Variants in ENPEP observed in about 807,000 individuals in gnomAD.
The protein encoded by ENPEP is AP-A.
Under a neutral mutation model 114.5 loss-of-function variants are expected in ENPEP, and 103 were observed. That is an observed-to-expected ratio of 0.90 (90% CI 0.77 to 1.06). The LOEUF (loss-of-function observed/expected upper bound fraction) is 1.06. Ranked by LOEUF, ENPEP falls within the 50% of genes least tolerant of loss-of-function variation. ENPEP has a pLI of 0.00. For synonymous variants in ENPEP, 420 were observed against 422.0 expected (o/e 1.00, Z 0.06); for missense variants, 1,196 against 1,161.3 (o/e 1.03, Z -0.43).
At chr4:110,493,965 G>A (rs769523579) in intron 3 of ENPEP, among the ~76,000 whole-genome samples, 38 of 152,254 alleles carry the variant, frequency 2.5e-4, no homozygotes, top group South Asian at 8.3e-4. Flanking sequence ...TAGAAACACC[G>A]TGGGAGTAAA....
chr4:110,561,287 G>A (rs930216166), intron 19 of ENPEP, 119 bp from the exon 20 acceptor site: 23 of 1,009,616 alleles, frequency 2.3e-5, no homozygotes, highest in Middle Eastern at 2.1e-4. Flanking sequence ...GTAGCTCAAC[G>A]TTGTGCAGTG....
Position 110,492,803 on chromosome 4 carries a change from C to T in ENPEP, c.918+1639C>T, listed in dbSNP as rs114579160. Among the ~76,000 whole-genome samples the T allele has an allele frequency of 8.1e-3, 1,226 of 152,272 alleles. 17 individuals carry two copies. Among genetic ancestry groups the T allele is most frequent in the African/African-American group, 0.028 (1,168 of 41,550 alleles). ...GAACATTAGTCAAGCTTGGTTTTTT[C>T]TTTCCGTCTCATAACAAACATGCAA... On this transcript the variant is annotated intron_variant, in intron 3 of 19. Coordinates refer to ENST00000265162, the MANE Select transcript of ENPEP (RefSeq NM_001977.4).
intron 3 of ENPEP, among the ~76,000 whole-genome samples, chr4:110,495,265 C>T (rs887432316): frequency 2.0e-5 from 3 of 151,956 alleles, no homozygotes; most frequent in African/African-American, 4.8e-5. Context: ...ATTTGGAAAA[C>T]GCAAAGTAGG....
Position 110,561,631 on chromosome 4 carries a change from C to G in ENPEP, c.*73C>G, listed in dbSNP as rs1025582127. 7.0e-7 allele frequency: 1 copy of G among 1,428,594 alleles called. No individual in the cohort carries two copies. The allele number at this position is 1,428,594 out of a possible 1,614,324, so 88.5% of individuals were successfully genotyped here. A position where few individuals can be genotyped will look rare whatever the true frequency, so the allele number is the denominator to read the frequency against. The stretch of plus-strand genomic sequence containing the variant: ...CTGAAGCATTTGGTGGCCTAATTTA[C>G]AAGCACGATGGAGAGAGCCTTATAA... On this transcript the variant is annotated 3_prime_UTR_variant, in exon 20 of 20. Coordinates refer to ENST00000265162, the MANE Select transcript of ENPEP (RefSeq NM_001977.4).
At chr4:110,547,786 A>T (rs1727122993) in intron 13 of ENPEP, among the ~76,000 whole-genome samples, 1 of 152,068 alleles carries the variant, frequency 6.6e-6, no homozygotes, top group African/African-American at 2.4e-5. Context: ...AATAATTTCA[A>T]CAAAATACAT....
chr4:110,546,466 G>A (rs542273985), intron 13 of ENPEP, among the ~76,000 whole-genome samples: 29 of 152,094 alleles, frequency 1.9e-4, no homozygotes, highest in African/African-American at 7.0e-4. Flanking sequence ...TGGCTGACAA[G>A]GCTGCGTGGG....
chr4:110,515,280 A>C (rs1178699778), intron 7 of ENPEP, 97 bp from the exon 8 acceptor site: 1 of 1,016,368 alleles, frequency 9.8e-7, no homozygotes, highest in Non-Finnish European at 1.5e-6. Flanking sequence ...TAATCTCACA[A>C]ATATGATCAT....
At chr4:110,482,111 A>G (rs1341301621) in intron 1 of ENPEP, among the ~76,000 whole-genome samples, 1 of 152,204 alleles carries the variant, frequency 6.6e-6, no homozygotes, top group African/African-American at 2.4e-5. Context: ...GACTTTTTGG[A>G]TACAGATGGC....
At chr4:110,481,612 C>T (rs1323287829) in intron 1 of ENPEP, among the ~76,000 whole-genome samples, 1 of 152,220 alleles carries the variant, frequency 6.6e-6, no homozygotes, top group Non-Finnish European at 1.5e-5. Flanking sequence ...CACAGCTTCT[C>T]TCCCATAAAC....
intron 13 of ENPEP, 83 bp downstream of exon 13, chr4:110,543,153 T>C: frequency 2.4e-6 from 3 of 1,255,746 alleles, no homozygotes; most frequent in Non-Finnish European, 3.4e-6. Flanking sequence ...AACATTGCAG[T>C]ATTAATCAAT....
chr4:110,481,949 G>T (rs1560549726), intron 1 of ENPEP, among the ~76,000 whole-genome samples: 1 of 152,122 alleles, frequency 6.6e-6, no homozygotes, highest in African/African-American at 2.4e-5. Flanking sequence ...AAAAGGAAAG[G>T]CACCAAGTCA....
intron 19 of ENPEP, among the ~76,000 whole-genome samples, chr4:110,560,020 A>G (rs1727626827): frequency 6.6e-6 from 1 of 151,880 alleles, no homozygotes; most frequent in South Asian, 2.1e-4. Context: ...TTCAGCTCCC[A>G]CTTATGAGAG....
At chr4:110,555,202 T>A (rs1380851569) in intron 18 of ENPEP, among the ~76,000 whole-genome samples, 2 of 152,046 alleles carry the variant, frequency 1.3e-5, no homozygotes, top group African/African-American at 2.4e-5. Context: ...AGACATTATT[T>A]CAAATGGCCC....
chr4:110,504,460 G>A (rs1038918271), intron 3 of ENPEP, among the ~76,000 whole-genome samples: 2 of 152,150 alleles, frequency 1.3e-5, no homozygotes, highest in African/African-American at 4.8e-5. Context: ...TTAGAGAAAT[G>A]CAGAGCTGCT....
intron 11 of ENPEP, among the ~76,000 whole-genome samples, chr4:110,538,562 A>G (rs369824344): frequency 5.9e-5 from 9 of 152,180 alleles, no homozygotes; most frequent in African/African-American, 2.2e-4. Flanking sequence ...TCAGCAATAC[A>G]GATGTTTCTC....
intron 1 of ENPEP, among the ~76,000 whole-genome samples, chr4:110,479,493 C>T (rs1393401500): frequency 6.6e-6 from 1 of 152,086 alleles, no homozygotes; most frequent in African/African-American, 2.4e-5. Context: ...TATATGTGTA[C>T]ATGCATATAC....
Position 110,562,218 on chromosome 4 carries a change from G to A in ENPEP, c.*660G>A, listed in dbSNP as rs1578424684. On this transcript the variant is annotated 3_prime_UTR_variant, in exon 20 of 20. Transcript: ENST00000265162. ...TAAATGATTATCTTGAAAAAGTATT[G>A]TTTTCCAGTGTCACTTGACTCTTGA... 3 of 152,100 alleles carry A rather than the reference G, an allele frequency of 2.0e-5. No homozygotes were observed. The highest frequency in any genetic ancestry group is 6.8e-3 in the Middle Eastern group (2 of 294). The allele number at this position is 152,100 out of a possible 1,614,324, so 9.4% of individuals were successfully genotyped here. A position where few individuals can be genotyped will look rare whatever the true frequency, so the allele number is the denominator to read the frequency against.
intron 18 of ENPEP, among the ~76,000 whole-genome samples, chr4:110,555,830 T>A (rs1455154400): frequency 6.6e-6 from 1 of 152,030 alleles, no homozygotes; most frequent in Non-Finnish European, 1.5e-5. Flanking sequence ...TTTGTAAATT[T>A]TTTTCAAATT....
intron 8 of ENPEP, among the ~76,000 whole-genome samples, chr4:110,516,488 A>G (rs1384899062): frequency 6.6e-6 from 1 of 152,124 alleles, no homozygotes; most frequent in Non-Finnish European, 1.5e-5. Context: ...GCGATAACCC[A>G]GGTAGTCAGG....
Sources: allele counts gnomAD v4.1 joint callset (sites outside exome capture counted in the v4.1 genomes callset), GRCh38; gene constraint gnomAD v4.1.1; transcripts MANE v1.5; gene names NCBI Gene and HGNC (gene_info 2026-07-23, HGNC 2026-07-21).